The following STARD9 variants were observed in gnomAD, a reference collection of about 807,000 sequenced individuals.
STARD9 encodes StAR related lipid transfer domain containing 9.
In STARD9, 346 loss-of-function variants were observed where a neutral mutation model predicts 399.8. That is an observed-to-expected ratio of 0.87 (90% CI 0.79 to 0.95). The LOEUF (loss-of-function observed/expected upper bound fraction) is 0.95, where lower values mean the gene tolerates loss of function less well. Ranked by LOEUF, STARD9 falls within the 40% of genes least tolerant of loss-of-function variation. The pLI, the probability that STARD9 is intolerant of heterozygous loss-of-function variation, is 0.00. For synonymous variants in STARD9, 2,203 were observed against 2,143.5 expected (o/e 1.03, Z -0.77); for missense variants, 5,832 against 5,667.5 (o/e 1.03, Z -0.93).
intron 1 of STARD9, among the ~76,000 whole-genome samples, chr15:42,577,688 C>T (rs2058086142): frequency 6.6e-6 from 1 of 152,206 alleles, no homozygotes; most frequent in African/African-American, 2.4e-5. Context: ...GGAGCAGATA[C>T]AGATAAACCC....
chr15:42,663,190 C>T, intron 11 of STARD9, 91 bp from the exon 12 acceptor site: 2 of 1,193,322 alleles, frequency 1.7e-6, no homozygotes, highest in Admixed American at 2.4e-5. Flanking sequence ...AAATATGATA[C>T]TTAAGTCTGT....
intron 10 of STARD9, among the ~76,000 whole-genome samples, chr15:42,662,193 G>A (rs1258435617): frequency 6.6e-6 from 1 of 152,166 alleles, no homozygotes; most frequent in Non-Finnish European, 1.5e-5. Context: ...TATTAGAAGG[G>A]AGCATGAATT....
In STARD9 at chr15:42,687,872, C is replaced by G. The variant is rs1308410597; in HGVS notation, c.6294C>G (p.Ala2098=). The change falls in exon 23 of 33, where the codon GCC becomes GCG. Residue 2098 remains alanine, a synonymous_variant. Transcript: ENST00000290607. ...DQKEQEKTDH[A]FRPDSSGNPL... is the part of the protein sequence containing the mutation. ...AGGAGCAGGAGAAGACTGACCATGC[C>G]TTTAGGCCAGACAGCTCTGGAAACC... 1 of 1,537,118 alleles carries G rather than the reference C, an allele frequency of 6.5e-7. No homozygotes were observed. The highest frequency in any genetic ancestry group is 8.7e-7 in the Non-Finnish European group (1 of 1,146,960).
At chr15:42,597,934 G>T (rs1213979364) in intron 3 of STARD9, among the ~76,000 whole-genome samples, 3 of 151,730 alleles carry the variant, frequency 2.0e-5, no homozygotes, top group Non-Finnish European at 4.4e-5. Context: ...GCCTCCCAAA[G>T]TGCTGGGATT....
intron 3 of STARD9, among the ~76,000 whole-genome samples, chr15:42,623,160 G>A (rs932349108): frequency 2.6e-5 from 4 of 152,164 alleles, no homozygotes; most frequent in Non-Finnish European, 5.9e-5. Context: ...GCTGAGGCAG[G>A]AGAATTGCTT....
intron 26 of STARD9, among the ~76,000 whole-genome samples, chr15:42,696,780 G>A (rs1197615401): frequency 2.6e-5 from 4 of 151,890 alleles, no homozygotes; most frequent in Non-Finnish European, 5.9e-5. Context: ...GGAAGAGCGG[G>A]GAGTTGAGAA....
intron 26 of STARD9, among the ~76,000 whole-genome samples, chr15:42,712,096 T>TATATAAAATATAAAATATA (rs1566966126): frequency 5.9e-3 from 3 of 508 alleles, no homozygotes; most frequent in Non-Finnish European, 0.018. Flanking sequence ...TATATATATA[T>TATATAAAATATAAAATATA]AATATATAAT....
Position 42,691,259 on chromosome 15 carries a change from C to T in STARD9, c.9681C>T (p.Ala3227=). The T allele has an allele frequency of 6.5e-7, 1 of 1,537,202 alleles. No homozygotes were observed. The highest frequency in any genetic ancestry group is 8.7e-7 in the Non-Finnish European group (1 of 1,146,886). The change falls in exon 23 of 33, where the codon GCC becomes GCT. Residue 3227 remains alanine, a synonymous_variant. Transcript: ENST00000290607. ...DQASGGGEGF[A]QGVNPLPDED... is the part of the protein sequence containing the mutation. ...CTTCAGGTGGTGGAGAAGGCTTCGC[C>T]CAGGGTGTGAATCCCCTTCCTGATG... is the stretch of plus-strand genomic sequence containing the variant.
At position 42,684,861 on chromosome 15, in the gene STARD9, G is replaced by A. The variant is rs2140227526; in HGVS notation, c.3283G>A (p.Glu1095Lys). 2 of 1,537,134 alleles carry A rather than the reference G, an allele frequency of 1.3e-6. No homozygotes were observed. The highest frequency in any genetic ancestry group is 1.2e-5 in the South Asian group (1 of 84,052). ...CAGCCCAGTAATGGATCATTCAAGA[G>A]AAAAAGACAATGATTTATCTGACAC... ...DFSPVMDHSR[E>K]KDNDLSDTDS... The change falls in exon 23 of 33, where the codon GAA (glutamate) becomes AAA (lysine). Residue 1095 changes from glutamate to lysine, a missense_variant. Around this residue, in one of 2 missense-constraint regions of STARD9, gnomAD observed 5,828 missense variants for 5,651.1 expected, o/e 1.03. Coordinates refer to ENST00000290607, the MANE Select transcript of STARD9 (RefSeq NM_020759.3).
At chr15:42,589,452 T>C (rs781250977) in intron 3 of STARD9, among the ~76,000 whole-genome samples, 15 of 152,300 alleles carry the variant, frequency 9.8e-5, no homozygotes, top group South Asian at 2.1e-4. Context: ...CTTCATGCTC[T>C]TTTATAGTCT....
At chr15:42,637,182 T>C (rs1386093460) in intron 4 of STARD9, among the ~76,000 whole-genome samples, 2 of 152,154 alleles carry the variant, frequency 1.3e-5, no homozygotes, top group African/African-American at 4.8e-5. Flanking sequence ...TACCTCTTTC[T>C]AAATGTGTTT....
At chr15:42,675,372 C>A in intron 18 of STARD9, 1 of 472,150 alleles carries the variant, frequency 2.1e-6, no homozygotes, top group Non-Finnish European at 3.8e-6. Flanking sequence ...TATGCAAATT[C>A]TGTCTGTTCT....
chr15:42,671,202 A>G (rs28479391), intron 16 of STARD9: 59,309 of 140,764 alleles, frequency 0.42, 17,473 homozygotes, highest in African/African-American at 0.84. Context: ...GCGCGATCTT[A>G]GCTCACTGCA....
At chr15:42,679,886 A>G (rs142166951) in intron 20 of STARD9, among the ~76,000 whole-genome samples, 146 of 152,276 alleles carry the variant, frequency 9.6e-4, no homozygotes, top group African/African-American at 3.4e-3. Context: ...TCTGCTCTAC[A>G]AAGTGGTGGA....
chr15:42,681,429 CT>C lies in STARD9; in HGVS notation c.1884del (p.Glu629LysfsTer29). The C allele has an allele frequency of 7.2e-6, 11 of 1,535,678 alleles. No homozygotes were observed. Among genetic ancestry groups the C allele is most frequent in the Non-Finnish European group, 7.9e-6 (9 of 1,146,378 alleles). ...CAGCCGCTTCTGTGACAGGAGAGCG[CT>C]TGAAGAGCAATGTGACGAGGACCAT... Reference protein sequence around the residue: ...SPLLWKERRALEEQCDEDHQT... With the variant: ...SPLLWKERRAXEEQCDEDHQT... On this transcript the variant is annotated frameshift_variant, in exon 21 of 33. Coordinates refer to ENST00000290607, the MANE Select transcript of STARD9 (RefSeq NM_020759.3). LOFTEE classifies it high-confidence loss of function.
chr15:42,698,269 T>C (rs1208417380), intron 26 of STARD9, among the ~76,000 whole-genome samples: 1 of 152,186 alleles, frequency 6.6e-6, no homozygotes, highest in Non-Finnish European at 1.5e-5. Context: ...AGAAGGGCAC[T>C]TGTACAAAGA....
At chr15:42,664,741 T>G (rs1489268307) in intron 13 of STARD9, among the ~76,000 whole-genome samples, 2 of 152,038 alleles carry the variant, frequency 1.3e-5, no homozygotes, top group African/African-American at 4.8e-5. Context: ...CTTCTCTGTT[T>G]AGATTAAAAG....
At chr15:42,707,756 T>C (rs2061120750) in intron 26 of STARD9, among the ~76,000 whole-genome samples, 1 of 152,160 alleles carries the variant, frequency 6.6e-6, no homozygotes. Flanking sequence ...TTAAACAACA[T>C]ATACAGTATA....
Position 42,688,910 on chromosome 15 carries a change from C to T in STARD9, c.7332C>T (p.Asp2444=). 1 of 1,537,354 alleles carries T rather than the reference C, an allele frequency of 6.5e-7. No homozygotes were observed. The highest frequency in any genetic ancestry group is 2.0e-5 in the Admixed American group (1 of 50,988). ...TCTCAGCAAGCACCAGCCCCCAAGA[C>T]CATGGAAAGGACCTCAGAATCACCT... is the stretch of plus-strand genomic sequence containing the variant. The part of the protein sequence containing the change: ...DRISASTSPQ[D]HGKDLRITLL... The change falls in exon 23 of 33, where the codon GAC becomes GAT. Residue 2444 remains aspartate, a synonymous_variant. Transcript: ENST00000290607.
Sources: allele counts gnomAD v4.1 joint callset (sites outside exome capture counted in the v4.1 genomes callset), GRCh38; gene constraint gnomAD v4.1.1; regional missense constraint gnomAD v4.1.1; transcripts MANE v1.5; gene names NCBI Gene and HGNC (gene_info 2026-07-23, HGNC 2026-07-21).